Variants in CA12 observed in about 807,000 individuals in gnomAD.
The protein encoded by CA12 is carbonic anhydrase 12.
A neutral mutation model predicts 46.8 loss-of-function variants in CA12; 36 were observed. The observed-to-expected ratio is 0.77, with a 90% CI of 0.59 to 1.02. The LOEUF is 1.02. CA12 is among the 50% of genes least tolerant of loss of function. The pLI, the probability that CA12 is intolerant of heterozygous loss-of-function variation, is 0.00. For missense variants in CA12, 436 were observed against 451.4 expected (o/e 0.97, Z 0.31); for synonymous variants, 202 against 187.0 (o/e 1.08, Z -0.65).
At chr15:63,346,221 C>T (rs1411337701) in intron 3 of CA12, among the ~76,000 whole-genome samples, 1 of 152,156 alleles carries the variant, frequency 6.6e-6, no homozygotes, top group East Asian at 1.9e-4. Context: ...TTCCTTGAAT[C>T]GTTTATGGTC....
chr15:63,364,801 C>T (rs1012358900), intron 2 of CA12, among the ~76,000 whole-genome samples: 1 of 152,270 alleles, frequency 6.6e-6, no homozygotes, highest in Admixed American at 6.5e-5. Context: ...ACTCCCTCCA[C>T]TGCCCAACCT....
chr15:63,340,917 T>A lies in CA12; in HGVS notation c.526-134A>T. The A allele has an allele frequency of 1.3e-6, 1 of 743,938 alleles. No homozygotes were observed. Among genetic ancestry groups the A allele is most frequent in the Non-Finnish European group, 2.4e-6 (1 of 410,884 alleles). 46.1% of individuals were successfully genotyped at this position (743,938 alleles called of 1,614,324 possible). A position where few individuals can be genotyped will look rare whatever the true frequency, so the allele number is the denominator to read the frequency against. ...CTGAAGGATCCACTTTACTGGACAA[T>A]TATGATGGATCACTAGGCTCTTGGG... is the stretch of plus-strand genomic sequence containing the variant. On this transcript the variant is annotated intron_variant, in intron 5 of 10. Transcript: ENST00000178638. The surrounding 1 kb of genome is among the most constrained non-coding windows in gnomAD (Gnocchi z 4.4).
chr15:63,354,440 C>T (rs72748936), intron 2 of CA12, among the ~76,000 whole-genome samples: 3,098 of 150,094 alleles, frequency 0.021, 30 homozygotes, highest in Non-Finnish European at 0.027. Flanking sequence ...CAGCTGGAGA[C>T]GGAGGGTTGA....
intron 2 of CA12, among the ~76,000 whole-genome samples, chr15:63,353,039 T>C (rs2039253231): frequency 6.6e-6 from 1 of 152,158 alleles, no homozygotes. Flanking sequence ...TGTCAGGCAC[T>C]GTACTAGGTG....
chr15:63,326,618 C>G (rs574786203), intron 10 of CA12, among the ~76,000 whole-genome samples: 2 of 152,060 alleles, frequency 1.3e-5, no homozygotes, highest in Admixed American at 1.3e-4. Flanking sequence ...TTGTCACCCC[C>G]CTCTTCAAAC....
At chr15:63,369,722 T>A (rs1232615046) in intron 2 of CA12, among the ~76,000 whole-genome samples, 1 of 152,202 alleles carries the variant, frequency 6.6e-6, no homozygotes, top group Non-Finnish European at 1.5e-5. Flanking sequence ...ATTACTTTCC[T>A]AAGGCGCACC....
In CA12 at chr15:63,322,998, T is replaced by C. The variant is rs904346935; in HGVS notation, c.*3287A>G. On this transcript the variant is annotated 3_prime_UTR_variant, in exon 11 of 11. Transcript: ENST00000178638. The surrounding 1 kb of genome is among the most constrained non-coding windows in gnomAD (Gnocchi z 4.1). ...ATTTTATAACCTTTACTGGACTGCC[T>C]CTTTTTGCCCCAGTCAGAATGTGAA... The C allele has an allele frequency of 1.3e-5, 2 of 152,240 alleles. No individual in the cohort carries two copies. Among genetic ancestry groups the C allele is most frequent in the African/African-American group, 4.8e-5 (2 of 41,470 alleles). The allele number at this position is 152,240 out of a possible 1,614,324, so 9.4% of individuals were successfully genotyped here.
intron 2 of CA12, among the ~76,000 whole-genome samples, chr15:63,361,418 CA>C (rs1245617820): frequency 6.6e-6 from 1 of 152,158 alleles, no homozygotes; most frequent in Non-Finnish European, 1.5e-5. Flanking sequence ...TTTTGCCCTT[CA>C]GGGGACATTG....
chr15:63,366,943 A>T (rs2039442070), intron 2 of CA12, among the ~76,000 whole-genome samples: 1 of 152,098 alleles, frequency 6.6e-6, no homozygotes, highest in African/African-American at 2.4e-5. Flanking sequence ...ATTTTTTGAG[A>T]TGGACTCTTG....
intron 1 of CA12, among the ~76,000 whole-genome samples, chr15:63,376,571 T>TTTCTTTCTTTCTTTCTTTCTTTC (rs2039577136): frequency 6.2e-5 from 7 of 112,664 alleles, no homozygotes; most frequent in Non-Finnish European, 1.3e-4. Flanking sequence ...TCTTTCTTTC[T>TTTCTTTCTTTCTTTCTTTCTTTC]TTCTTTCTTT....
At chr15:63,368,502 G>C (rs2039462904) in intron 2 of CA12, among the ~76,000 whole-genome samples, 1 of 152,190 alleles carries the variant, frequency 6.6e-6, no homozygotes, top group Admixed American at 6.6e-5. Flanking sequence ...CCTGCCCGCA[G>C]CCACCTTCCC....
At chr15:63,334,150 T>A (rs1427097499) in intron 8 of CA12, among the ~76,000 whole-genome samples, 2 of 150,722 alleles carry the variant, frequency 1.3e-5, no homozygotes, top group Admixed American at 6.6e-5. Flanking sequence ...CGAACTGGCC[T>A]GAGGACGTGT....
rs2038797353 is a variant in CA12 at position 63,322,022 on chromosome 15, T to A, written c.*4263A>T. 1 of 152,246 alleles carries A rather than the reference T, an allele frequency of 6.6e-6. No homozygotes were observed. The highest frequency in any genetic ancestry group is 1.5e-5 in the Non-Finnish European group (1 of 68,054). The allele number at this position is 152,246 out of a possible 1,614,324, so 9.4% of individuals were successfully genotyped here. Reference sequence around the variant, plus strand: ...CCTCAGTCTCTGAAAGTCGGGTTCGTCGTCCGGGTCTGCGCAGGGCATGGA... The same window carrying A: ...CCTCAGTCTCTGAAAGTCGGGTTCGACGTCCGGGTCTGCGCAGGGCATGGA... On this transcript the variant is annotated 3_prime_UTR_variant, in exon 11 of 11. Transcript: ENST00000178638. The surrounding 1 kb of genome is among the most constrained non-coding windows in gnomAD (Gnocchi z 4.1).
chr15:63,373,482 A>G lies in CA12; in HGVS notation c.106+2176T>C, dbSNP rs2039532070. Reference sequence around the variant, plus strand: ...GGATAGAGGACCCCGTAGAGATGTGATCTGTGTTTCTATCATACCTGAGAG... The same window carrying G: ...GGATAGAGGACCCCGTAGAGATGTGGTCTGTGTTTCTATCATACCTGAGAG... On this transcript the variant is annotated intron_variant, in intron 2 of 10. Coordinates refer to ENST00000178638, the MANE Select transcript of CA12 (RefSeq NM_001218.5). This position sits in a 1 kb window ranked among gnomAD's most constrained non-coding sequence, Gnocchi z 4.9. 6.6e-6 allele frequency among the ~76,000 whole-genome samples: 1 copy of G among 152,106 alleles called. No homozygotes were observed. The highest frequency in any genetic ancestry group is 1.5e-5 in the Non-Finnish European group (1 of 68,018).
At chr15:63,335,963 C>T (rs2038998198) in intron 8 of CA12, among the ~76,000 whole-genome samples, 1 of 152,158 alleles carries the variant, frequency 6.6e-6, no homozygotes, top group Admixed American at 6.5e-5. Context: ...GCACTTGCTG[C>T]CTGTGTCTTT....
Position 63,336,227 on chromosome 15 carries a change from C to T in CA12, c.874+2592G>A, listed in dbSNP as rs146323808. 5.3e-3 allele frequency among the ~76,000 whole-genome samples: 803 copies of T among 152,302 alleles called. 2 individuals are homozygous for T. Among genetic ancestry groups the T allele is most frequent in the South Asian group, 0.021 (102 of 4,822 alleles). ...TCTGCTTAGAGGCCCCTCAAGCTCC[C>T]CTATCCAGACTGGGAGAATCTACTG... On this transcript the variant is annotated intron_variant, in intron 8 of 10. Coordinates refer to ENST00000178638, the MANE Select transcript of CA12 (RefSeq NM_001218.5).
At chr15:63,352,872 T>A (rs1013951720) in intron 2 of CA12, among the ~76,000 whole-genome samples, 3 of 152,162 alleles carry the variant, frequency 2.0e-5, no homozygotes, top group African/African-American at 4.8e-5. Flanking sequence ...TGTACCAAAT[T>A]TGAATACACA....
At chr15:63,379,386 G>A (rs2039616073) in intron 1 of CA12, among the ~76,000 whole-genome samples, 1 of 152,214 alleles carries the variant, frequency 6.6e-6, no homozygotes, top group South Asian at 2.1e-4. Context: ...GCGTGTGTGT[G>A]TGTGCACGCG....
rs544764785 is a variant in CA12, at chr15:63,348,826, C to A, written c.107-2117G>T. Among the ~76,000 whole-genome samples, 1 of 152,032 alleles carries A rather than the reference C, an allele frequency of 6.6e-6. No individual in the cohort carries two copies. Among genetic ancestry groups the A allele is most frequent in the Admixed American group, 6.6e-5 (1 of 15,264 alleles). ...CCATATTATAAGTAGGGTCACGTGCCCCCATGGGCATTTAGGAAACATTTT... is the reference window on the plus strand; with the variant it reads ...CCATATTATAAGTAGGGTCACGTGCACCCATGGGCATTTAGGAAACATTTT... On this transcript the variant is annotated intron_variant, in intron 2 of 10. Coordinates refer to ENST00000178638, the MANE Select transcript of CA12 (RefSeq NM_001218.5). The surrounding 1 kb of genome is among the most constrained non-coding windows in gnomAD (Gnocchi z 4.6).
Sources: gnomAD v4.1 joint callset for allele counts (sites outside exome capture counted in the v4.1 genomes callset) on GRCh38, gnomAD v4.1.1 for gene constraint, Gnocchi (gnomAD v3.1) non-coding constraint, MANE v1.5 for transcripts, NCBI Gene and HGNC (gene_info 2026-07-23, HGNC 2026-07-21) for gene names.